The following DPP6 variants were observed in gnomAD, a reference collection of about 807,000 sequenced individuals.
DPP6 encodes the protein A-type potassium channel modulatory protein DPP6.
A neutral mutation model predicts 122.6 loss-of-function variants in DPP6; 69 were observed. The observed-to-expected ratio is 0.56, with a 90% CI of 0.46 to 0.69. The LOEUF (loss-of-function observed/expected upper bound fraction) is 0.69, where lower values mean the gene tolerates loss of function less well. DPP6 is among the 30% of genes least tolerant of loss of function. The pLI is 0.00. For missense variants in DPP6, 928 were observed against 1,116.9 expected (o/e 0.83, Z 2.41); for synonymous variants, 418 against 433.1 (o/e 0.97, Z 0.43).
chr7:153,912,720 T>C (rs1261171865), intron 1 of DPP6, among the ~76,000 whole-genome samples: 1 of 152,158 alleles, frequency 6.6e-6, no homozygotes, highest in African/African-American at 2.4e-5. Context: ...CTCTAATTTT[T>C]CTTAAGGGGG....
chr7:153,957,886 G>T (rs569008241), intron 1 of DPP6, among the ~76,000 whole-genome samples: 2 of 152,194 alleles, frequency 1.3e-5, no homozygotes, highest in South Asian at 4.2e-4. Context: ...AAAATTGCTC[G>T]GGCGCGGTGG....
At position 154,183,438 on chromosome 7, in the gene DPP6, A is replaced by T. The variant is rs572791808; in HGVS notation, c.243+130375A>T. On this transcript the variant is annotated intron_variant, in intron 1 of 25. Coordinates refer to ENST00000377770, the MANE Select transcript of DPP6 (RefSeq NM_130797.4). ...CTCCTGATCTTTTTAAAAGGTCTGC[A>T]TGTGAACTAAACACTCTAAATATGT... Among the ~76,000 whole-genome samples the T allele has an allele frequency of 2.0e-5, 3 of 152,340 alleles. No homozygotes were observed. The South Asian group carries it at 6.2e-4, about 32-fold the overall frequency.
chr7:154,769,619 C>T, intron 9 of DPP6, 48 bp downstream of exon 9: 1 of 1,493,812 alleles, frequency 6.7e-7, no homozygotes. Context: ...TATTCATGAA[C>T]ACCCCAACCC....
chr7:154,419,841 G>A (rs958828325), intron 1 of DPP6, among the ~76,000 whole-genome samples: 1 of 152,032 alleles, frequency 6.6e-6, no homozygotes, highest in Non-Finnish European at 1.5e-5. Flanking sequence ...TGTGCTCCAG[G>A]GTGTTTCCAA....
At chr7:153,897,229 A>G (rs1799451560) in intron 1 of DPP6, among the ~76,000 whole-genome samples, 1 of 152,200 alleles carries the variant, frequency 6.6e-6, no homozygotes, top group South Asian at 2.1e-4. Flanking sequence ...GTGCTGACCC[A>G]TTTCCAGCCC....
At chr7:154,461,208 T>G (rs1180011577) in intron 2 of DPP6, among the ~76,000 whole-genome samples, 1 of 152,228 alleles carries the variant, frequency 6.6e-6, no homozygotes, top group African/African-American at 2.4e-5. Flanking sequence ...TTCATTTTTT[T>G]GTGGCTGAAT....
chr7:154,313,684 G>GGTGT lies in DPP6; in HGVS notation c.244-132528_244-132527insGTGT, dbSNP rs146683070. Among the ~76,000 whole-genome samples, 77 of 25,084 alleles carry GGTGT rather than the reference G, an allele frequency of 3.1e-3. 18 individuals are homozygous for GGTGT. Among genetic ancestry groups the GGTGT allele is most frequent in the African/African-American group, 5.6e-3 (29 of 5,170 alleles). 16.5% of individuals were successfully genotyped at this position (25,084 alleles called of 152,430 possible). ...GAAGCAACAAGATATTTTAAGATAT[G>GGTGT]GTATATATATATATATATATATATA... On this transcript the variant is annotated intron_variant, in intron 1 of 25. Transcript: ENST00000377770.
chr7:153,916,492 A>C (rs1028641474), intron 1 of DPP6, among the ~76,000 whole-genome samples: 1 of 149,580 alleles, frequency 6.7e-6, no homozygotes, highest in African/African-American at 2.5e-5. Context: ...GCTCACTGCA[A>C]CCTCTGCCTC....
chr7:154,289,579 G>A (rs1805071639), intron 1 of DPP6, among the ~76,000 whole-genome samples: 1 of 152,162 alleles, frequency 6.6e-6, no homozygotes, highest in East Asian at 1.9e-4. Flanking sequence ...TAGGATGGCA[G>A]GTCCCTTCCC....
chr7:154,195,889 A>G (rs889926575), intron 1 of DPP6, among the ~76,000 whole-genome samples: 8 of 151,942 alleles, frequency 5.3e-5, no homozygotes, highest in African/African-American at 1.9e-4. Context: ...CCTGCTTTCC[A>G]CCTGTGCCTC....
intron 1 of DPP6, among the ~76,000 whole-genome samples, chr7:154,167,684 A>G (rs893794587): frequency 6.6e-6 from 1 of 152,238 alleles, no homozygotes; most frequent in Non-Finnish European, 1.5e-5. Context: ...TGAGCCCGAC[A>G]TTCACGTTTT....
At chr7:153,878,569 C>T in the DPP6 span, among the ~76,000 whole-genome samples, 1 of 152,114 alleles carries the variant, frequency 6.6e-6, no homozygotes, top group South Asian at 2.1e-4. Flanking sequence ...GTCTCCCCAG[C>T]TAACTAGCGT....
upstream of DPP6, among the ~76,000 whole-genome samples, chr7:153,885,208 G>A (rs1798866178): frequency 6.6e-6 from 1 of 151,892 alleles, no homozygotes; most frequent in African/African-American, 2.4e-5. Context: ...ATCGGATTTA[G>A]ATTGGTGATA....
At chr7:154,188,412 CCTTAT>C (rs1798455677) in intron 1 of DPP6, among the ~76,000 whole-genome samples, 1 of 151,858 alleles carries the variant, frequency 6.6e-6, no homozygotes. Flanking sequence ...AAGACATAGT[CCTTAT>C]CTTAAATTAA....
At chr7:153,868,720 T>C in the DPP6 span, among the ~76,000 whole-genome samples, 3 of 152,192 alleles carry the variant, frequency 2.0e-5, no homozygotes, top group African/African-American at 7.2e-5. Flanking sequence ...CTCTTGCTTC[T>C]CTAGTTCTTT....
intron 1 of DPP6, among the ~76,000 whole-genome samples, chr7:154,214,669 C>T (rs1272942107): frequency 6.6e-6 from 1 of 152,174 alleles, no homozygotes; most frequent in African/African-American, 2.4e-5. Flanking sequence ...GTAATTCCAA[C>T]ACTTTGGGAG....
chr7:153,829,628 G>A, the DPP6 span, among the ~76,000 whole-genome samples: 1 of 152,146 alleles, frequency 6.6e-6, no homozygotes, highest in Non-Finnish European at 1.5e-5. Flanking sequence ...CATTTACTGT[G>A]TGACGGGCAG....
intron 5 of DPP6, among the ~76,000 whole-genome samples, chr7:154,634,976 C>T (rs1835649421): frequency 6.6e-6 from 1 of 152,100 alleles, no homozygotes; most frequent in African/African-American, 2.4e-5. Context: ...TCTTACTTTG[C>T]ATATTTATTA....
chr7:154,313,712 T>TATATATATATGC lies in DPP6; in HGVS notation c.244-132499_244-132498insTATATATGCATA, dbSNP rs1554515587. The stretch of plus-strand genomic sequence containing the variant: ...ATATATATATATATATATATATATA[T>TATATATATATGC]ATACACACACACGCACGCACACACA... On this transcript the variant is annotated intron_variant, in intron 1 of 25. Transcript: ENST00000377770. 6.2e-3 allele frequency among the ~76,000 whole-genome samples: 153 copies of TATATATATATGC among 24,872 alleles called. 35 individuals are homozygous for TATATATATATGC. Among genetic ancestry groups the TATATATATATGC allele is most frequent in the Admixed American group, 0.012 (24 of 2,004 alleles). 16.3% of individuals were successfully genotyped at this position (24,872 alleles called of 152,430 possible). A position where few individuals can be genotyped will look rare whatever the true frequency, so the allele number is the denominator to read the frequency against.
Sources: gnomAD v4.1 joint callset for allele counts (sites outside exome capture counted in the v4.1 genomes callset) on GRCh38, gnomAD v4.1.1 for gene constraint, MANE v1.5 for transcripts, NCBI Gene and HGNC (gene_info 2026-07-23, HGNC 2026-07-21) for gene names.